The following AKR1C2 variants were observed in gnomAD, a reference collection of about 807,000 sequenced individuals.
AKR1C2 encodes 3-alpha-HSD3.
AKR1C2 carries 27 observed loss-of-function variants against 39.8 expected under a neutral mutation model. That is an observed-to-expected ratio of 0.68 (90% CI 0.50 to 0.93). The LOEUF (loss-of-function observed/expected upper bound fraction) is 0.93. Ranked by LOEUF, AKR1C2 falls within the 40% of genes least tolerant of loss-of-function variation. The pLI, the probability that AKR1C2 is intolerant of heterozygous loss-of-function variation, is 0.00. For synonymous variants in AKR1C2, 114 were observed against 137.9 expected (o/e 0.83, Z 1.22); for missense variants, 263 against 365.1 (o/e 0.72, Z 2.28).
chr10:4,995,677 CT>C lies in AKR1C2; in HGVS notation c.680+78del, dbSNP rs1837007421. On this transcript the variant is annotated intron_variant, in intron 6 of 8. Coordinates refer to ENST00000380753, the MANE Select transcript of AKR1C2 (RefSeq NM_001393392.1). Reference sequence around the variant, plus strand: ...TCACCCCAAGTCAGCTGTGAGTGAACTCCAGGAAACAGCATGATCTGATTAA... The same window carrying C: ...TCACCCCAAGTCAGCTGTGAGTGAACCCAGGAAACAGCATGATCTGATTAA... The C allele has an allele frequency of 2.1e-6, 3 of 1,462,100 alleles. No homozygotes were observed. The African/African-American group carries it at 4.1e-5, about 20-fold the overall frequency. 90.6% of individuals were successfully genotyped at this position (1,462,100 alleles called of 1,614,324 possible). A position where few individuals can be genotyped will look rare whatever the true frequency, so the allele number is the denominator to read the frequency against.
chr10:5,017,701 C>G (rs552173784), intron 1 of AKR1C2, among the ~76,000 whole-genome samples: 3 of 152,276 alleles, frequency 2.0e-5, no homozygotes, highest in South Asian at 4.1e-4. Flanking sequence ...CTATCCAGTT[C>G]CAAATTTGCT....
At chr10:5,000,174 C>T (rs1309155225) in intron 3 of AKR1C2, 13 of 1,374,670 alleles carry the variant, frequency 9.5e-6, no homozygotes, top group African/African-American at 1.5e-5. Context: ...ACTCATTGTG[C>T]ACCCTATGTG....
At position 4,989,438 on chromosome 10, in the gene AKR1C2, C is replaced by CG. The variant is rs1233274858; in HGVS notation, c.*557_*558insC. The CG allele has an allele frequency of 1.3e-5, 2 of 151,324 alleles. No individual in the cohort carries two copies. Among genetic ancestry groups the CG allele is most frequent in the Non-Finnish European group, 2.9e-5 (2 of 68,076 alleles). 9.4% of individuals were successfully genotyped at this position (151,324 alleles called of 1,614,324 possible). ...CCTGGTGCCCTCCCATCTCCCTAAC[C>CG]CCCCCTCACAGGGATGCCTCCTCCC... On this transcript the variant is annotated 3_prime_UTR_variant, in exon 9 of 9. Transcript: ENST00000380753.
upstream of AKR1C2, among the ~76,000 whole-genome samples, chr10:5,007,888 G>T (rs1357839313): frequency 1.3e-5 from 2 of 151,508 alleles, no homozygotes; most frequent in Non-Finnish European, 2.9e-5. Flanking sequence ...AAGAGGAAGA[G>T]GCTTCATGCA....
intron 5 of AKR1C2, among the ~76,000 whole-genome samples, chr10:4,998,198 C>G (rs1450182053): frequency 6.7e-6 from 1 of 150,360 alleles, no homozygotes; most frequent in Non-Finnish European, 1.5e-5. Context: ...CATGTGAATC[C>G]CTAGTATTTC....
At chr10:4,990,388 C>G (rs1554772045) in intron 8 of AKR1C2, among the ~76,000 whole-genome samples, 1 of 152,126 alleles carries the variant, frequency 6.6e-6, no homozygotes, top group Non-Finnish European at 1.5e-5. Flanking sequence ...AACAGGAACT[C>G]CTTCTGCCTT....
At chr10:4,996,532 A>G (rs1554773102) in intron 5 of AKR1C2, among the ~76,000 whole-genome samples, 3 of 137,172 alleles carry the variant, frequency 2.2e-5, no homozygotes, top group Non-Finnish European at 4.7e-5. Flanking sequence ...TCTTTCATAT[A>G]TATTATATAT....
intron 7 of AKR1C2, among the ~76,000 whole-genome samples, chr10:4,993,808 A>G (rs1554772521): frequency 6.8e-6 from 1 of 147,374 alleles, no homozygotes; most frequent in African/African-American, 2.7e-5. Context: ...TATAACACAT[A>G]TGTCATATAT....
chr10:5,005,836 A>C (rs1554774340), upstream of AKR1C2, among the ~76,000 whole-genome samples: 1 of 152,256 alleles, frequency 6.6e-6, no homozygotes, highest in African/African-American at 2.4e-5. Flanking sequence ...TAAAATTGCT[A>C]ATGAAAAATA....
At chr10:4,991,522 C>A (rs565952541) in intron 8 of AKR1C2, among the ~76,000 whole-genome samples, 1 of 152,200 alleles carries the variant, frequency 6.6e-6, no homozygotes, top group Non-Finnish European at 1.5e-5. Flanking sequence ...ACAGTGTGTA[C>A]ACTAGACAGT....
At chr10:4,993,412 T>TGGG (rs1554772475) in intron 7 of AKR1C2, among the ~76,000 whole-genome samples, 178 of 150,324 alleles carry the variant, frequency 1.2e-3, no homozygotes, top group Non-Finnish European at 2.1e-3. Flanking sequence ...CAATAAATGG[T>TGGG]AAATTTTGCT....
At chr10:4,990,691 G>A (rs1393819248) in intron 8 of AKR1C2, among the ~76,000 whole-genome samples, 6 of 151,638 alleles carry the variant, frequency 4.0e-5, no homozygotes, top group Non-Finnish European at 7.4e-5. Context: ...TGTTAATTAC[G>A]GAATTGAGCC....
chr10:5,000,510 G>T (rs782530020), intron 3 of AKR1C2, 40 bp downstream of exon 3: 61 of 1,613,268 alleles, frequency 3.8e-5, no homozygotes, highest in Non-Finnish European at 4.6e-5. Flanking sequence ...TTTATGCTGA[G>T]AACAAAAGTG....
rs45460998 is a variant in AKR1C2, at chr10:4,988,287, G to T, written c.*1709C>A. ...TCCATAGACTCAGAAAGTTAAGGTAGAACAGGATGGCCATGGTTTACATGA... is the reference window on the plus strand; with the variant it reads ...TCCATAGACTCAGAAAGTTAAGGTATAACAGGATGGCCATGGTTTACATGA... On this transcript the variant is annotated 3_prime_UTR_variant, in exon 9 of 9. Transcript: ENST00000380753. The T allele has an allele frequency of 6.6e-6, 1 of 152,112 alleles. No individual in the cohort carries two copies. Among genetic ancestry groups the T allele is most frequent in the African/African-American group, 2.4e-5 (1 of 41,416 alleles). The allele number at this position is 152,112 out of a possible 1,614,324, so 9.4% of individuals were successfully genotyped here.
chr10:5,002,730 C>T (rs1281248031), intron 1 of AKR1C2, among the ~76,000 whole-genome samples: 9 of 152,214 alleles, frequency 5.9e-5, no homozygotes, highest in Non-Finnish European at 1.2e-4. Flanking sequence ...AGGCTTTTTC[C>T]TGTGAAATTA....
intron 7 of AKR1C2, among the ~76,000 whole-genome samples, chr10:4,993,716 T>A (rs1192527400): frequency 2.0e-5 from 3 of 151,892 alleles, no homozygotes; most frequent in Non-Finnish European, 4.4e-5. Context: ...ATTTCAAGAA[T>A]ACATTCAAGT....
At chr10:4,998,117 T>C (rs1554773345) in intron 5 of AKR1C2, among the ~76,000 whole-genome samples, 1 of 152,052 alleles carries the variant, frequency 6.6e-6, no homozygotes, top group African/African-American at 2.4e-5. Flanking sequence ...AGATAATTTT[T>C]AGTGTATCTA....
intron 7 of AKR1C2, among the ~76,000 whole-genome samples, chr10:4,994,532 G>T (rs1198092705): frequency 6.6e-6 from 1 of 152,118 alleles, no homozygotes; most frequent in Non-Finnish European, 1.5e-5. Context: ...GACCTAAAAA[G>T]GCTTTGCACA....
At chr10:5,000,372 T>G (rs1554773699) in intron 3 of AKR1C2, 178 bp downstream of exon 3, 19 of 1,550,446 alleles carry the variant, frequency 1.2e-5, no homozygotes, top group Non-Finnish European at 8.7e-7. Flanking sequence ...ATCACGGAAG[T>G]ATGGATTCAA....
Sources: gnomAD v4.1 joint callset for allele counts (sites outside exome capture counted in the v4.1 genomes callset) on GRCh38, gnomAD v4.1.1 for gene constraint, MANE v1.5 for transcripts, NCBI Gene and HGNC (gene_info 2026-07-23, HGNC 2026-07-21) for gene names.